Variants in FGF14 observed in about 807,000 individuals in gnomAD.
FGF14 encodes the protein fibroblast growth factor homologous factor 4.
FGF14 carries 5 observed loss-of-function variants against 25.5 expected under a neutral mutation model. The observed-to-expected ratio is 0.20, with a 90% confidence interval of 0.10 to 0.41. The LOEUF is 0.41. Ranked by LOEUF, FGF14 falls within the 10% of genes least tolerant of loss-of-function variation. The pLI is 1.00. For missense variants in FGF14, 222 were observed against 320.1 expected (o/e 0.69, Z 2.34); for synonymous variants, 138 against 118.3 (o/e 1.17, Z -1.08).
rs529939951 is a variant in FGF14 at position 102,156,709 on chromosome 13, G to A, written c.208+244762C>T. On this transcript the variant is annotated intron_variant, in intron 1 of 4. Transcript: ENST00000376131. ...TAAATGGTATTCAATTAGGAAAAGAGGAAGTCAAATTGTCCCTGTTTGCAG... is the reference window on the plus strand; with the variant it reads ...TAAATGGTATTCAATTAGGAAAAGAAGAAGTCAAATTGTCCCTGTTTGCAG... 1.7e-4 allele frequency among the ~76,000 whole-genome samples: 26 copies of A among 152,312 alleles called. 1 individual carries two copies. In the East Asian group the frequency reaches 3.7e-3, roughly 21 times the overall value.
chr13:102,251,482 A>G (rs1465782280), intron 1 of FGF14, among the ~76,000 whole-genome samples: 7 of 152,190 alleles, frequency 4.6e-5, no homozygotes, highest in African/African-American at 1.7e-4. Flanking sequence ...ACATCAAGAA[A>G]CAGGATCTCA....
At chr13:102,040,597 G>A (rs1203502610) in intron 1 of FGF14, among the ~76,000 whole-genome samples, 2 of 152,104 alleles carry the variant, frequency 1.3e-5, no homozygotes, top group Non-Finnish European at 2.9e-5. Context: ...CTTCTTTGTA[G>A]GATATATTGG....
chr13:101,946,409 T>A (rs2035811018), intron 1 of FGF14, among the ~76,000 whole-genome samples: 1 of 150,140 alleles, frequency 6.7e-6, no homozygotes, highest in South Asian at 2.1e-4. Context: ...AGTCCCCCTC[T>A]AGCAGTTTGG....
At chr13:102,293,058 T>C (rs1352620070) in intron 1 of FGF14, 4 of 152,286 alleles carry the variant, frequency 2.6e-5, no homozygotes, top group Non-Finnish European at 5.9e-5. Flanking sequence ...CTACAAGGAT[T>C]AGCAAATTGC....
Position 102,152,156 on chromosome 13 carries a change from G to A in FGF14, c.208+249315C>T, listed in dbSNP as rs563361575. ...TCTATACCTGAAAGTGAAAATGGTG[G>A]TTTTCTTTATCAAGGCTAATTTTTT... On this transcript the variant is annotated intron_variant, in intron 1 of 4. Coordinates refer to the FGF14 transcript ENST00000376131. Among the ~76,000 whole-genome samples, 127 of 152,196 alleles carry A rather than the reference G, an allele frequency of 8.3e-4. 1 individual carries two copies. Among genetic ancestry groups the A allele is most frequent in the Admixed American group, 2.0e-3 (31 of 15,280 alleles).
intron 1 of FGF14, among the ~76,000 whole-genome samples, chr13:102,099,912 A>G (rs1326688399): frequency 3.3e-5 from 5 of 152,182 alleles, no homozygotes; most frequent in Admixed American, 6.5e-5. Context: ...TCCCTGGAAT[A>G]TTTATTCACA....
intron 1 of FGF14, among the ~76,000 whole-genome samples, chr13:102,179,098 G>A (rs1048287287): frequency 6.6e-6 from 1 of 152,136 alleles, no homozygotes; most frequent in African/African-American, 2.4e-5. Context: ...GCCCATGGCA[G>A]TAGCATAGCC....
chr13:102,327,769 G>A (rs1264749655), intron 1 of FGF14, among the ~76,000 whole-genome samples: 1 of 151,822 alleles, frequency 6.6e-6, no homozygotes, highest in Admixed American at 6.6e-5. Flanking sequence ...AGCCTGGGAG[G>A]TCGAGACTGC....
intron 1 of FGF14, among the ~76,000 whole-genome samples, chr13:102,356,254 A>G (rs1227856883): frequency 6.6e-6 from 1 of 152,220 alleles, no homozygotes; most frequent in African/African-American, 2.4e-5. Context: ...TTCTTCCTTA[A>G]TACAATTCTT....
chr13:101,782,390 ATTTTAC>A (rs1268341091), intron 3 of FGF14, among the ~76,000 whole-genome samples: 2 of 151,924 alleles, frequency 1.3e-5, no homozygotes, highest in African/African-American at 2.4e-5. Flanking sequence ...TTTATTTTGT[ATTTTAC>A]TTTTGAGTTC....
chr13:102,263,044 T>A, intron 1 of FGF14: 1 of 649,302 alleles, frequency 1.5e-6, no homozygotes. Context: ...CAATTCCTCA[T>A]AGACCCAGCT....
chr13:102,282,220 C>A (rs1566897493), intron 1 of FGF14, among the ~76,000 whole-genome samples: 1 of 152,038 alleles, frequency 6.6e-6, no homozygotes, highest in African/African-American at 2.4e-5. Context: ...GCATGCACTA[C>A]CATGCCAAGC....
chr13:101,945,893 CAA>C (rs1464703604), intron 1 of FGF14, among the ~76,000 whole-genome samples: 1 of 152,212 alleles, frequency 6.6e-6, no homozygotes, highest in Non-Finnish European at 1.5e-5. Context: ...TAATTGACCT[CAA>C]GTCTCATTCT....
chr13:102,379,929 C>G (rs1409687435), intron 1 of FGF14, among the ~76,000 whole-genome samples: 1 of 152,170 alleles, frequency 6.6e-6, no homozygotes, highest in African/African-American at 2.4e-5. Flanking sequence ...AAGCCTTATT[C>G]AAGCCTCCAG....
chr13:101,992,374 G>A (rs2038959257), intron 1 of FGF14, among the ~76,000 whole-genome samples: 1 of 152,098 alleles, frequency 6.6e-6, no homozygotes. Context: ...ATTGACTCCA[G>A]TTCCTTTTGC....
intron 1 of FGF14, among the ~76,000 whole-genome samples, chr13:102,296,028 T>C (rs182792431): frequency 5.3e-5 from 8 of 152,314 alleles, no homozygotes; most frequent in Admixed American, 3.9e-4. Flanking sequence ...TATGTAGAAC[T>C]GAGTTTGCAT....
chr13:102,067,037 CTT>C (rs1595159660), intron 1 of FGF14, among the ~76,000 whole-genome samples: 1 of 152,198 alleles, frequency 6.6e-6, no homozygotes, highest in Admixed American at 6.5e-5. Flanking sequence ...AACCAAATCT[CTT>C]GTCTCCACCT....
chr13:102,196,150 T>C (rs996264225), intron 1 of FGF14, among the ~76,000 whole-genome samples: 1 of 152,310 alleles, frequency 6.6e-6, no homozygotes, highest in East Asian at 1.9e-4. Flanking sequence ...TTAGAAACCA[T>C]ACAATAGCTA....
In FGF14 at chr13:102,156,393, G is replaced by C. The variant is rs561471270; in HGVS notation, c.208+245078C>G. ...ATAAATGTAATCCAGCATATAAACA[G>C]AACCAATGACAAAAACCACATGATT... On this transcript the variant is annotated intron_variant, in intron 1 of 4. Coordinates refer to the FGF14 transcript ENST00000376131. Among the ~76,000 whole-genome samples the C allele has an allele frequency of 2.8e-4, 42 of 152,268 alleles. 2 individuals carry two copies. In the East Asian group the frequency reaches 6.0e-3, roughly 22 times the overall value.
Sources: gnomAD v4.1 joint callset for allele counts (sites outside exome capture counted in the v4.1 genomes callset) on GRCh38, gnomAD v4.1.1 for gene constraint, MANE v1.5 for transcripts, NCBI Gene and HGNC (gene_info 2026-07-23, HGNC 2026-07-21) for gene names.